DCC: variants seen among roughly 807,000 people sequenced by gnomAD.
The protein encoded by DCC is netrin receptor DCC.
In DCC, 58 loss-of-function variants were observed where a neutral mutation model predicts 172.5. That is an observed-to-expected ratio of 0.34 (90% CI 0.27 to 0.42). DCC has a LOEUF of 0.42. Among genes scored for constraint, DCC ranks in the 10% least tolerant of loss-of-function variants. The pLI, the probability that DCC is intolerant of heterozygous loss-of-function variation, is 1.00. For missense variants in DCC, 1,740 were observed against 1,791.0 expected (o/e 0.97, Z 0.51); for synonymous variants, 709 against 644.5 (o/e 1.10, Z -1.52).
chr18:53,059,401 T>C (rs2042462372), intron 5 of DCC, among the ~76,000 whole-genome samples: 1 of 152,106 alleles, frequency 6.6e-6, no homozygotes, highest in Non-Finnish European at 1.5e-5. Context: ...ATGGGGTATA[T>C]GTAAGTCACG....
chr18:52,419,256 GA>G (rs1987163228), intron 1 of DCC: 1 of 152,162 alleles, frequency 6.6e-6, no homozygotes, highest in African/African-American at 2.4e-5. Context: ...CAGGGTGTTG[GA>G]GAGTCCAGTG....
At chr18:52,414,460 A>G (rs955646582) in intron 1 of DCC, among the ~76,000 whole-genome samples, 15 of 152,120 alleles carry the variant, frequency 9.9e-5, no homozygotes, top group African/African-American at 2.7e-4. Flanking sequence ...TTGACTTTCT[A>G]TTAGTAAACA....
At chr18:53,103,936 G>A (rs1045127872) in intron 7 of DCC, among the ~76,000 whole-genome samples, 2 of 151,960 alleles carry the variant, frequency 1.3e-5, no homozygotes, top group Admixed American at 1.3e-4. Context: ...GGTGAGTGAG[G>A]CACTTTCTTG....
intron 5 of DCC, among the ~76,000 whole-genome samples, chr18:53,006,841 T>G (rs1313982736): frequency 2.0e-5 from 3 of 152,202 alleles, no homozygotes; most frequent in Admixed American, 2.0e-4. Flanking sequence ...AATATGTGGC[T>G]GCTGATCCAC....
chr18:52,815,829 G>A (rs937698321), intron 2 of DCC, among the ~76,000 whole-genome samples: 3 of 152,048 alleles, frequency 2.0e-5, no homozygotes, highest in African/African-American at 4.8e-5. Context: ...AAAAGACATC[G>A]ACAACTCCAG....
chr18:52,919,333 C>T (rs1323718418), intron 3 of DCC, among the ~76,000 whole-genome samples: 2 of 152,146 alleles, frequency 1.3e-5, no homozygotes, highest in African/African-American at 2.4e-5. Context: ...ATTTTTTGAT[C>T]ATTAATCTAG....
At chr18:52,386,499 C>A (rs1467052486) in intron 1 of DCC, among the ~76,000 whole-genome samples, 1 of 151,864 alleles carries the variant, frequency 6.6e-6, no homozygotes, top group Non-Finnish European at 1.5e-5. Context: ...TTCTGTTGGT[C>A]CAATAGGCCT....
At chr18:53,284,357 T>A (rs2056910259) in intron 12 of DCC, among the ~76,000 whole-genome samples, 1 of 152,124 alleles carries the variant, frequency 6.6e-6, no homozygotes, top group Non-Finnish European at 1.5e-5. Context: ...AGGAACCTGG[T>A]GGGAGGTGAA....
intron 5 of DCC, among the ~76,000 whole-genome samples, chr18:52,927,242 T>TGTACATATACACATATAA (rs2040232676): frequency 6.7e-6 from 1 of 149,658 alleles, no homozygotes; most frequent in Non-Finnish European, 1.5e-5. Flanking sequence ...TATACTTATA[T>TGTACATATACACATATAA]GTACATATAC....
chr18:52,751,951 G>A (rs917224551), intron 1 of DCC, 103 bp from the exon 2 acceptor site: 3 of 968,654 alleles, frequency 3.1e-6, no homozygotes, highest in African/African-American at 3.3e-5. Context: ...ATTGTTCAAA[G>A]CCCTCAGCTT....
intron 1 of DCC, among the ~76,000 whole-genome samples, chr18:52,422,783 A>G (rs1987293314): frequency 1.3e-5 from 2 of 152,288 alleles, no homozygotes; most frequent in South Asian, 4.1e-4. Flanking sequence ...TAGATATCCT[A>G]TAAAATGGAA....
At chr18:52,795,795 GT>G (rs2037863730) in intron 2 of DCC, among the ~76,000 whole-genome samples, 3 of 151,714 alleles carry the variant, frequency 2.0e-5, no homozygotes, top group African/African-American at 7.2e-5. Flanking sequence ...ACTGTTTTTC[GT>G]TCTTATTTTT....
chr18:52,687,498 C>T (rs866128164), intron 1 of DCC, among the ~76,000 whole-genome samples: 7 of 151,794 alleles, frequency 4.6e-5, no homozygotes, highest in African/African-American at 4.8e-5. Flanking sequence ...TTGGCCAGGC[C>T]GGTCTCAATC....
chr18:53,159,781 G>A (rs2054804851), intron 8 of DCC, among the ~76,000 whole-genome samples: 1 of 152,170 alleles, frequency 6.6e-6, no homozygotes, highest in Non-Finnish European at 1.5e-5. Flanking sequence ...TATCAAATGT[G>A]TGATGCTTCT....
chr18:52,363,120 C>T lies in DCC; in HGVS notation c.91+22242C>T, dbSNP rs139571018. 6.4e-3 allele frequency among the ~76,000 whole-genome samples: 975 copies of T among 152,146 alleles called. 8 individuals carry two copies. Among genetic ancestry groups the T allele is most frequent in the African/African-American group, 0.019 (771 of 41,512 alleles). ...ATTGAACTCCTGACCTCAAGTGATC[C>T]GCCACCTCAGCCTCCCAAAGTGCTG... On this transcript the variant is annotated intron_variant, in intron 1 of 28. Coordinates refer to ENST00000442544, the MANE Select transcript of DCC (RefSeq NM_005215.4).
At chr18:52,679,144 G>T (rs1028332837) in intron 1 of DCC, among the ~76,000 whole-genome samples, 4 of 151,838 alleles carry the variant, frequency 2.6e-5, no homozygotes, top group African/African-American at 9.7e-5. Flanking sequence ...GTTATTTATG[G>T]TAATAGAAGC....
intron 5 of DCC, among the ~76,000 whole-genome samples, chr18:52,938,773 TC>T: frequency 6.6e-6 from 1 of 152,254 alleles, no homozygotes; most frequent in African/African-American, 2.4e-5. Flanking sequence ...GCCCTCTTTT[TC>T]TTATACCTTA....
chr18:52,548,051 A>G (rs1385167814), intron 1 of DCC, among the ~76,000 whole-genome samples: 1 of 152,182 alleles, frequency 6.6e-6, no homozygotes. Flanking sequence ...GAACAGGAAG[A>G]ACAGGCTGGA....
At chr18:52,476,119 G>A (rs967944514) in intron 1 of DCC, among the ~76,000 whole-genome samples, 1 of 152,150 alleles carries the variant, frequency 6.6e-6, no homozygotes, top group Non-Finnish European at 1.5e-5. Flanking sequence ...CTACAGCACA[G>A]GCTCAATGAA....
Sources: allele counts gnomAD v4.1 joint callset (sites outside exome capture counted in the v4.1 genomes callset), GRCh38; gene constraint gnomAD v4.1.1; transcripts MANE v1.5; gene names NCBI Gene and HGNC (gene_info 2026-07-23, HGNC 2026-07-21).